CEP192: variants seen among roughly 807,000 people sequenced by gnomAD.
The protein encoded by CEP192 is centrosomal protein 192.
CEP192 carries 151 observed loss-of-function variants against 271.8 expected under a neutral mutation model. The ratio of observed to expected loss-of-function variants is 0.56; its 90% CI spans 0.49 to 0.64. CEP192 has a LOEUF of 0.64. Ranked by LOEUF, CEP192 falls within the 30% of genes least tolerant of loss-of-function variation. The probability of loss-of-function intolerance (pLI) is 0.00; values close to 1 mark genes in which losing one functional copy is unlikely to be tolerated. For missense variants in CEP192, 2,910 were observed against 3,020.5 expected (o/e 0.96, Z 0.86); for synonymous variants, 995 against 1,076.5 (o/e 0.92, Z 1.48).
intron 9 of CEP192, among the ~76,000 whole-genome samples, chr18:13,020,995 A>G (rs1340033896): frequency 6.6e-6 from 1 of 152,104 alleles, no homozygotes; most frequent in Non-Finnish European, 1.5e-5. Context: ...ATGAATTGCA[A>G]ATTTTCCTCC....
intron 21 of CEP192, among the ~76,000 whole-genome samples, chr18:13,060,840 C>T (rs986282816): frequency 7.9e-5 from 12 of 151,906 alleles, no homozygotes; most frequent in Non-Finnish European, 1.5e-4. Flanking sequence ...GAGAGGATCA[C>T]TAGAGCTCAG....
chr18:13,019,955 G>A (rs776654568), intron 9 of CEP192, among the ~76,000 whole-genome samples: 3 of 151,860 alleles, frequency 2.0e-5, no homozygotes, highest in Non-Finnish European at 4.4e-5. Context: ...TGGGATTACA[G>A]GCGCACATCA....
chr18:13,017,461 G>A (rs1315441380), intron 7 of CEP192, 125 bp downstream of exon 7: 7 of 648,154 alleles, frequency 1.1e-5, no homozygotes, highest in African/African-American at 1.9e-5. Flanking sequence ...CTGTGTTTCC[G>A]AGGTATGAAT....
In CEP192 at chr18:13,084,597, C is replaced by T. The variant is rs528626209; in HGVS notation, c.5617-2420C>T. Among the ~76,000 whole-genome samples the T allele has an allele frequency of 9.9e-5, 15 of 152,268 alleles. No individual in the cohort carries two copies. In the East Asian group the frequency reaches 1.5e-3, roughly 16 times the overall value. ...GTGCTTCCCGGGTGAGGCAATGCCC[C>T]GCCCTGCTTCAGCTCACCCTCCGTG... On this transcript the variant is annotated intron_variant, in intron 30 of 44. Coordinates refer to ENST00000506447, the MANE Select transcript of CEP192 (RefSeq NM_032142.4).
At position 13,046,565 on chromosome 18, in the gene CEP192, A is replaced by G. The variant is rs189533248; in HGVS notation, c.2068-2294A>G. ...GTTGATTTGGTAATTATATATATTT[A>G]TATTATTTTAATGATTACCCAAATA... On this transcript the variant is annotated intron_variant, in intron 15 of 44. Coordinates refer to ENST00000506447, the MANE Select transcript of CEP192 (RefSeq NM_032142.4). Among the ~76,000 whole-genome samples the G allele has an allele frequency of 2.9e-3, 435 of 151,926 alleles. 3 individuals carry two copies. Among genetic ancestry groups the G allele is most frequent in the African/African-American group, 0.01 (422 of 41,482 alleles).
At chr18:13,053,626 G>A (rs1019638109) in intron 18 of CEP192, among the ~76,000 whole-genome samples, 2 of 152,174 alleles carry the variant, frequency 1.3e-5, no homozygotes, top group East Asian at 3.8e-4. Flanking sequence ...AAGGGTGCTG[G>A]GTTTAAAATA....
At position 13,049,607 on chromosome 18, in the gene CEP192, G is replaced by A; in HGVS notation, c.2816G>A (p.Cys939Tyr). The A allele has an allele frequency of 1.9e-6, 3 of 1,613,872 alleles. No individual in the cohort carries two copies. In the South Asian group the frequency reaches 3.3e-5, roughly 18 times the overall value. Residue 939 changes from cysteine to tyrosine, a missense_variant, in exon 16 of 45, where the codon TGT (cysteine) becomes TAT (tyrosine). By Grantham distance (194) the Cys-to-Tyr change is radical. Coordinates refer to ENST00000506447, the MANE Select transcript of CEP192 (RefSeq NM_032142.4). ...AGAGAAAATCAGAGGCAAAATGAGT[G>A]TGTCAGTGAAATAAGCAACAGTGAG... is the stretch of plus-strand genomic sequence containing the variant. ...DNRENQRQNE[C>Y]VSEISNSEKH...
chr18:13,073,764 C>G (rs765159338), intron 30 of CEP192, among the ~76,000 whole-genome samples: 5 of 152,222 alleles, frequency 3.3e-5, no homozygotes, highest in Non-Finnish European at 7.3e-5. Context: ...GCACCAAGCC[C>G]GTGCATGGGG....
intron 30 of CEP192, among the ~76,000 whole-genome samples, chr18:13,078,157 C>T (rs971047970): frequency 6.6e-6 from 1 of 152,214 alleles, no homozygotes; most frequent in South Asian, 2.1e-4. Flanking sequence ...TGTTGTTCAA[C>T]TCCCATTTAT....
intron 19 of CEP192, 62 bp downstream of exon 19, chr18:13,056,760 C>G: frequency 7.3e-7 from 1 of 1,372,798 alleles, no homozygotes; most frequent in Admixed American, 2.2e-5. Flanking sequence ...CACCACAAAG[C>G]TAGTTTGTTT....
chr18:13,120,055 T>C (rs1431454259), intron 44 of CEP192, among the ~76,000 whole-genome samples: 2 of 152,264 alleles, frequency 1.3e-5, no homozygotes, highest in South Asian at 4.1e-4. Flanking sequence ...TATTCTTTGC[T>C]TAATTTGCCT....
In CEP192 at chr18:13,100,428, C is replaced by G. The variant is rs2039650427; in HGVS notation, c.6787C>G (p.Pro2263Ala). ...GCCTTCAGTTAGTCATTTGGTCAAA[C>G]CAATGACAAAACCGCCTTCCACAAA... ...SEPSVSHLVK[P>A]MTKPPSTKVE... The change falls in exon 38 of 45, where the codon CCA (proline) becomes GCA (alanine). Residue 2263 changes from proline to alanine, a missense_variant. Physicochemically the swap from Pro to Ala is conservative, Grantham distance 27 (BLOSUM62 -1). Transcript: ENST00000506447. 2 of 1,614,070 alleles carry G rather than the reference C, an allele frequency of 1.2e-6. No individual in the cohort carries two copies. Among genetic ancestry groups the G allele is most frequent in the Non-Finnish European group, 1.7e-6 (2 of 1,179,970 alleles).
rs531192496 is a variant in CEP192 at position 13,067,851 on chromosome 18, C to T, written c.4509C>T (p.Asp1503=). ...PVIEVETEKK[D]VLDFGDLTYG... ...ATTAGGTAGAAACAGAAAAGAAAGA[C>T]GTTCTTGATTTTGGTGACTTGACTT... Residue 1503 remains aspartate, a synonymous_variant, in exon 22 of 45, where the codon GAC becomes GAT. Coordinates refer to ENST00000506447, the MANE Select transcript of CEP192 (RefSeq NM_032142.4). The T allele has an allele frequency of 1.0e-4, 169 of 1,610,424 alleles. No homozygotes were observed. The Admixed American group carries it at 1.1e-3, about 10-fold the overall frequency.
intron 9 of CEP192, among the ~76,000 whole-genome samples, chr18:13,019,782 T>C (rs373964416): frequency 1.3e-5 from 2 of 152,128 alleles, no homozygotes; most frequent in African/African-American, 2.4e-5. Flanking sequence ...TAATTTAAAT[T>C]TTAACTTGTA....
At chr18:13,068,727 T>G in intron 24 of CEP192, 125 bp from the exon 25 acceptor site, 2 of 908,484 alleles carry the variant, frequency 2.2e-6, no homozygotes, top group African/African-American at 3.3e-5. Flanking sequence ...TTCTTTTAAC[T>G]CTTTAAAAAA....
chr18:13,019,821 C>CTT (rs796634795), intron 9 of CEP192, among the ~76,000 whole-genome samples: 1 of 145,814 alleles, frequency 6.9e-6, no homozygotes, highest in Non-Finnish European at 1.5e-5. Flanking sequence ...CTATCTTAAT[C>CTT]TTTTTTTTTT....
rs949808613 is a variant in CEP192 at position 13,038,461 on chromosome 18, G to A, written c.1691G>A (p.Arg564His). ...AATTACAGTCTGTTGAGGAAATCAC[G>A]TAGCACATCAGATTTGGATAAAGAT... ...TINYSLLRKS[R>H]STSDLDKDDA... is the part of the protein sequence containing the mutation. The change falls in exon 13 of 45, where the codon CGT becomes CAT. Residue 564 changes from arginine to histidine, a missense_variant. Transcript: ENST00000506447. The A allele has an allele frequency of 1.2e-5, 19 of 1,551,404 alleles. No individual in the cohort carries two copies. The highest frequency in any genetic ancestry group is 2.4e-5 in the South Asian group (2 of 84,066).
At chr18:13,023,974 T>C (rs528242508) in intron 9 of CEP192, among the ~76,000 whole-genome samples, 106 of 152,314 alleles carry the variant, frequency 7.0e-4, no homozygotes, top group African/African-American at 2.5e-3. Context: ...TCTGCAGTTT[T>C]TGGGTGAAGT....
intron 30 of CEP192, among the ~76,000 whole-genome samples, chr18:13,080,443 G>A (rs1261698950): frequency 6.6e-6 from 1 of 152,228 alleles, no homozygotes; most frequent in Admixed American, 6.5e-5. Context: ...CTGTTTGTCT[G>A]TTATTGGTGT....
Sources: allele counts gnomAD v4.1 joint callset (sites outside exome capture counted in the v4.1 genomes callset), GRCh38; gene constraint gnomAD v4.1.1; transcripts MANE v1.5; gene names NCBI Gene and HGNC (gene_info 2026-07-23, HGNC 2026-07-21).